Variants in CFH observed in about 807,000 individuals in gnomAD.
CFH encodes H factor 1 (complement).
A neutral mutation model predicts 147.3 loss-of-function variants in CFH; 53 were observed. That is an observed-to-expected ratio of 0.36 (90% CI 0.29 to 0.45). The LOEUF (loss-of-function observed/expected upper bound fraction) is 0.45, where lower values mean the gene tolerates loss of function less well. Ranked by LOEUF, CFH falls within the 20% of genes least tolerant of loss-of-function variation. CFH has a pLI of 1.00. For missense variants in CFH, 1,380 were observed against 1,498.0 expected, an observed-to-expected ratio of 0.92 and a Z score of 1.30; for synonymous variants, 536 against 489.4, an observed-to-expected ratio of 1.10 and a Z score of -1.26.
chr1:196,722,939 T>A (rs1397046828), intron 11 of CFH, among the ~76,000 whole-genome samples: 1 of 152,092 alleles, frequency 6.6e-6, no homozygotes, highest in African/African-American at 2.4e-5. Flanking sequence ...ATTTGTTTTT[T>A]AAAAAATATT....
intron 11 of CFH, among the ~76,000 whole-genome samples, chr1:196,721,349 T>C (rs561450451): frequency 3.2e-4 from 48 of 152,194 alleles, no homozygotes; most frequent in Non-Finnish European, 6.2e-4. Flanking sequence ...TTCATGTATA[T>C]GGATAGTTTT....
At chr1:196,702,563 A>T (rs1038664079) in intron 9 of CFH, among the ~76,000 whole-genome samples, 1 of 151,118 alleles carries the variant, frequency 6.6e-6, no homozygotes, top group Non-Finnish European at 1.5e-5. Flanking sequence ...TGAAGAATCT[A>T]TTCTCCTCTG....
intron 9 of CFH, among the ~76,000 whole-genome samples, chr1:196,698,153 A>G (rs1668341645): frequency 6.6e-6 from 1 of 152,172 alleles, no homozygotes; most frequent in African/African-American, 2.4e-5. Context: ...TTAAAGTATA[A>G]TAATAATAAA....
rs1389897706 is a variant in CFH, at chr1:196,673,019, A to T, written c.100A>T (p.Thr34Ser). 6.2e-7 allele frequency: 1 copy of T among 1,613,916 alleles called. No homozygotes were observed. Among genetic ancestry groups the T allele is most frequent in the African/African-American group, 1.3e-5 (1 of 74,922 alleles). The change falls in exon 2 of 22, where the codon ACA becomes TCA. Residue 34 changes from threonine to serine, a missense_variant. By Grantham distance (58) the Thr-to-Ser change is moderately conservative. Around this residue, in one of 4 missense-constraint regions of CFH, gnomAD observed 260 missense variants for 263.3 expected, o/e 0.99. Transcript: ENST00000367429. ...LPPRRNTEIL[T>S]GSWSDQTYPE... ...TCCAAGAAGAAATACAGAAATTCTGACAGGTTCCTGGTCTGACCAAACATA... is the reference window on the plus strand; with the variant it reads ...TCCAAGAAGAAATACAGAAATTCTGTCAGGTTCCTGGTCTGACCAAACATA...
At chr1:196,742,170 T>C in intron 19 of CFH, 119 bp downstream of exon 19, 1 of 872,022 alleles carries the variant, frequency 1.1e-6, no homozygotes, top group South Asian at 1.4e-5. Context: ...AGGTCAGGAG[T>C]TCGAGACCAG....
At chr1:196,746,050 A>G (rs753823475) in intron 21 of CFH, 51 bp downstream of exon 21, 5 of 1,613,034 alleles carry the variant, frequency 3.1e-6, no homozygotes, top group South Asian at 2.2e-5. Flanking sequence ...GATGAGTCTG[A>G]TATTTCACTG....
At chr1:196,738,952 G>A (rs1363385264) in intron 17 of CFH, among the ~76,000 whole-genome samples, 2 of 152,216 alleles carry the variant, frequency 1.3e-5, no homozygotes, top group Non-Finnish European at 2.9e-5. Context: ...CTGCAACCTA[G>A]TTGTAGGTTC....
chr1:196,745,872 A>C lies in CFH; in HGVS notation c.3366A>C (p.Ser1122=). The C allele has an allele frequency of 3.1e-6, 5 of 1,614,158 alleles. No homozygotes were observed. The highest frequency in any genetic ancestry group is 4.2e-6 in the Non-Finnish European group (5 of 1,180,024). Residue 1122 remains serine (S), a synonymous_variant, in exon 21 of 22, where the codon TCA becomes TCC. Coordinates refer to ENST00000367429, the MANE Select transcript of CFH (RefSeq NM_000186.4). ...CTATTGACAATGGGGACATTACTTC[A>C]TTCCCGTTGTCAGTATATGCTCCAG... The part of the protein sequence containing the change: ...PPPIDNGDIT[S]FPLSVYAPAS...
At chr1:196,701,521 T>C in intron 9 of CFH, 1 of 734,348 alleles carries the variant, frequency 1.4e-6, no homozygotes, top group Non-Finnish European at 2.2e-6. Flanking sequence ...GGCAGCCCAA[T>C]GGGGCTGGTG....
chr1:196,691,665 C>T (rs1444680496), intron 9 of CFH, among the ~76,000 whole-genome samples: 1 of 151,744 alleles, frequency 6.6e-6, no homozygotes, highest in Non-Finnish European at 1.5e-5. Flanking sequence ...TATAAAATCT[C>T]TTTTAATTAT....
At chr1:196,694,825 T>C (rs1668195934) in intron 9 of CFH, among the ~76,000 whole-genome samples, 1 of 152,254 alleles carries the variant, frequency 6.6e-6, no homozygotes, top group Non-Finnish European at 1.5e-5. Flanking sequence ...TCTGTTCATA[T>C]CCTTCACCTA....
intron 1 of CFH, among the ~76,000 whole-genome samples, chr1:196,654,731 TG>T (rs11285593): frequency 0.044 from 6,767 of 152,250 alleles, 530 homozygotes; most frequent in African/African-American, 0.16. Context: ...CTGTGTTGTT[TG>T]GGAGACATGT....
chr1:196,685,845 A>G (rs1667807969), intron 7 of CFH, among the ~76,000 whole-genome samples: 1 of 152,100 alleles, frequency 6.6e-6, no homozygotes, highest in Non-Finnish European at 1.5e-5. Context: ...CTGAGAATAG[A>G]GGAAGCCACA....
chr1:196,674,663 T>A (rs545970046), intron 3 of CFH, among the ~76,000 whole-genome samples: 24 of 152,288 alleles, frequency 1.6e-4, no homozygotes, highest in African/African-American at 5.1e-4. Context: ...TGTAACCAAA[T>A]ATTACAAATG....
At position 196,718,489 on chromosome 1, in the gene CFH, G is replaced by T. The variant is rs553258198; in HGVS notation, c.1696+2720G>T. On this transcript the variant is annotated intron_variant, in intron 11 of 21. Transcript: ENST00000367429. ...CAAAGATCATAAAATCTGAATCCTGGATTTAGTGGAGGAGAGAGACATTTG... is the reference window on the plus strand; with the variant it reads ...CAAAGATCATAAAATCTGAATCCTGTATTTAGTGGAGGAGAGAGACATTTG... Among the ~76,000 whole-genome samples, 8 of 152,124 alleles carry T rather than the reference G, an allele frequency of 5.3e-5. No individual in the cohort carries two copies. The South Asian group carries it at 1.7e-3, about 32-fold the overall frequency.
At chr1:196,710,882 G>T (rs1235703718) in intron 9 of CFH, among the ~76,000 whole-genome samples, 1 of 151,952 alleles carries the variant, frequency 6.6e-6, no homozygotes, top group East Asian at 1.9e-4. Context: ...TTAATAGACA[G>T]AATTTATTAA....
rs1428981280 is a variant in CFH, at chr1:196,677,679, T to G, written c.619+12T>G. On this transcript the variant is annotated intron_variant, in intron 5 of 21. Coordinates refer to ENST00000367429, the MANE Select transcript of CFH (RefSeq NM_000186.4). ...ACCAAAGTGTGTGGGTAAGATACAC[T>G]TACTGTTTTAGTATTTTTAGCTTTT... 2 of 1,610,304 alleles carry G rather than the reference T, an allele frequency of 1.2e-6. No individual in the cohort carries two copies. Among genetic ancestry groups the G allele is most frequent in the East Asian group, 4.5e-5 (2 of 44,774 alleles).
At chr1:196,740,496 C>A in intron 17 of CFH, 123 bp from the exon 18 acceptor site, 1 of 941,924 alleles carries the variant, frequency 1.1e-6, no homozygotes, top group Non-Finnish European at 1.6e-6. Flanking sequence ...TGTGTTACTT[C>A]TCTGTGATGT....
intron 9 of CFH, chr1:196,692,258 ATATGAC>A (rs1158190415): frequency 5.7e-6 from 1 of 175,784 alleles, no homozygotes; most frequent in East Asian, 1.9e-4. Context: ...ATAAGTATGG[ATATGAC>A]TTTTCACCCT....
Sources: allele counts gnomAD v4.1 joint callset (sites outside exome capture counted in the v4.1 genomes callset), GRCh38; gene constraint gnomAD v4.1.1; regional missense constraint gnomAD v4.1.1; transcripts MANE v1.5; gene names NCBI Gene and HGNC (gene_info 2026-07-23, HGNC 2026-07-21).